RBFOX1: variants seen among roughly 807,000 people sequenced by gnomAD.
RBFOX1 encodes RNA binding fox-1 homolog 1, also known as RNA binding protein fox-1 homolog 1.
Under a neutral mutation model 57.7 loss-of-function variants are expected in RBFOX1, and 8 were observed. The observed-to-expected ratio is 0.14, with a 90% CI of 0.08 to 0.25. RBFOX1 has a LOEUF of 0.25. Ranked by LOEUF, RBFOX1 falls within the 10% of genes least tolerant of loss-of-function variation. RBFOX1 has a pLI of 1.00. For synonymous variants in RBFOX1, 326 were observed against 222.4 expected (o/e 1.47, Z -4.15); for missense variants, 611 against 548.5 (o/e 1.11, Z -1.14).
At chr16:6,822,264 C>T (rs2091436684) in intron 3 of RBFOX1, among the ~76,000 whole-genome samples, 1 of 152,076 alleles carries the variant, frequency 6.6e-6, no homozygotes, top group African/African-American at 2.4e-5. Flanking sequence ...CTCAGTAGTC[C>T]CACTTTCTGC....
chr16:7,475,771 TTAAAGTATTAGGGTAGC>T (rs1354453361), intron 4 of RBFOX1, among the ~76,000 whole-genome samples: 2 of 152,186 alleles, frequency 1.3e-5, no homozygotes, highest in Admixed American at 6.5e-5. Flanking sequence ...TTTGATTGTG[TTAAAGTATTAGGGTAGC>T]TAACAGAGCA....
intron 2 of RBFOX1, among the ~76,000 whole-genome samples, chr16:6,378,615 A>G (rs966216599): frequency 1.3e-5 from 2 of 152,042 alleles, no homozygotes; most frequent in African/African-American, 2.4e-5. Flanking sequence ...GGCCTTTGCA[A>G]TGTCCACTCC....
chr16:6,950,162 T>G (rs1453976470), intron 3 of RBFOX1, among the ~76,000 whole-genome samples: 2 of 150,780 alleles, frequency 1.3e-5, no homozygotes, highest in Non-Finnish European at 2.9e-5. Context: ...TTCACCATGT[T>G]GGCCAGGCTG....
At chr16:5,754,242 T>C (rs1175338601) in intron 3 of RBFOX1, among the ~76,000 whole-genome samples, 1 of 152,198 alleles carries the variant, frequency 6.6e-6, no homozygotes, top group Non-Finnish European at 1.5e-5. Context: ...AAGGTAATAA[T>C]GGTACCTTCC....
chr16:6,960,760 T>G (rs2082793972), intron 3 of RBFOX1, among the ~76,000 whole-genome samples: 1 of 151,998 alleles, frequency 6.6e-6, no homozygotes, highest in African/African-American at 2.4e-5. Flanking sequence ...ACTCAGACTT[T>G]GAGCTCTTCA....
At chr16:5,375,259 C>A (rs2065956284) in intron 1 of RBFOX1, among the ~76,000 whole-genome samples, 1 of 152,058 alleles carries the variant, frequency 6.6e-6, no homozygotes, top group Non-Finnish European at 1.5e-5. Context: ...AATCAATTGA[C>A]CATGGAAGCT....
chr16:6,883,549 C>G (rs1382980770), intron 3 of RBFOX1, among the ~76,000 whole-genome samples: 1 of 152,210 alleles, frequency 6.6e-6, no homozygotes, highest in East Asian at 1.9e-4. Context: ...GGCACACTGC[C>G]ATATGTAACT....
intron 5 of RBFOX1, among the ~76,000 whole-genome samples, chr16:7,529,038 C>T (rs1394904894): frequency 6.6e-6 from 1 of 152,168 alleles, no homozygotes; most frequent in African/African-American, 2.4e-5. Context: ...GCAGATGGAT[C>T]ACTTGAGGCC....
intron 3 of RBFOX1, among the ~76,000 whole-genome samples, chr16:6,738,313 C>A (rs937491234): frequency 6.6e-6 from 1 of 152,104 alleles, no homozygotes; most frequent in East Asian, 1.9e-4. Context: ...AGGAGGGGAA[C>A]TGAGATGAAG....
chr16:6,245,259 C>T lies in RBFOX1; in HGVS notation c.-126-71736C>T, dbSNP rs1012698138. Among the ~76,000 whole-genome samples the T allele has an allele frequency of 9.1e-4, 139 of 151,996 alleles. 1 individual carries two copies. The highest frequency in any genetic ancestry group is 3.4e-3 in the Middle Eastern group (1 of 294). ...GAAATGATGGCTTTAAATTTTTTTT[C>T]TTATTTGCGCTTTCTTGTAGGCTTT... On this transcript the variant is annotated intron_variant, in intron 1 of 15. Coordinates refer to ENST00000550418, the MANE Select transcript of RBFOX1 (RefSeq NM_018723.4).
chr16:7,304,795 G>A (rs1205262523), intron 4 of RBFOX1, among the ~76,000 whole-genome samples: 2 of 152,136 alleles, frequency 1.3e-5, no homozygotes, highest in Non-Finnish European at 2.9e-5. Context: ...GTGGTGATCT[G>A]AGTCTAAGAC....
At chr16:7,617,856 G>A (rs1275593642) in intron 10 of RBFOX1, among the ~76,000 whole-genome samples, 1 of 152,160 alleles carries the variant, frequency 6.6e-6, no homozygotes, top group Non-Finnish European at 1.5e-5. Context: ...TGCATGAGGA[G>A]TCAAGGGGGT....
At chr16:6,264,075 C>T (rs186555695) in intron 1 of RBFOX1, among the ~76,000 whole-genome samples, 1 of 152,218 alleles carries the variant, frequency 6.6e-6, no homozygotes, top group East Asian at 1.9e-4. Flanking sequence ...ATTCGATAAC[C>T]TTACTTTCAT....
intron 11 of RBFOX1, 32 bp from the exon 12 acceptor site, chr16:7,653,783 G>GCTTT: frequency 6.6e-7 from 1 of 1,511,666 alleles, no homozygotes; most frequent in Non-Finnish European, 9.0e-7. Flanking sequence ...GACAGCCTGT[G>GCTTT]CTCTCTCTCT....
chr16:6,201,376 C>G (rs1173851171), intron 1 of RBFOX1, among the ~76,000 whole-genome samples: 1 of 152,112 alleles, frequency 6.6e-6, no homozygotes, highest in Non-Finnish European at 1.5e-5. Flanking sequence ...CGAGGAACCT[C>G]CATACTGTTC....
chr16:7,400,864 C>G (rs1394493225), intron 4 of RBFOX1, among the ~76,000 whole-genome samples: 1 of 152,212 alleles, frequency 6.6e-6, no homozygotes, highest in Non-Finnish European at 1.5e-5. Context: ...TTTAGGGGAT[C>G]TTCTGCCATA....
chr16:6,776,412 GA>G (rs1159095974), intron 3 of RBFOX1, among the ~76,000 whole-genome samples: 2 of 137,820 alleles, frequency 1.5e-5, no homozygotes, highest in Non-Finnish European at 3.2e-5. Flanking sequence ...CTCCACCTCG[GA>G]AAAAAACAAA....
chr16:6,683,171 G>T (rs2058926442), intron 3 of RBFOX1, among the ~76,000 whole-genome samples: 1 of 152,138 alleles, frequency 6.6e-6, no homozygotes, highest in East Asian at 1.9e-4. Context: ...TTACACAGAG[G>T]ACTTACATTA....
chr16:7,036,648 G>A (rs1476347763), intron 3 of RBFOX1, among the ~76,000 whole-genome samples: 2 of 151,564 alleles, frequency 1.3e-5, no homozygotes, highest in East Asian at 1.9e-4. Flanking sequence ...AACCGAAATC[G>A]TGCCACTGCA....
Sources: gnomAD v4.1 joint callset for allele counts (sites outside exome capture counted in the v4.1 genomes callset) on GRCh38, gnomAD v4.1.1 for gene constraint, MANE v1.5 for transcripts, NCBI Gene and HGNC (gene_info 2026-07-23, HGNC 2026-07-21) for gene names.